The following CXADR variants were observed in gnomAD, a reference collection of about 807,000 sequenced individuals.
The protein encoded by CXADR is coxsackievirus and adenovirus receptor.
CXADR carries 20 observed loss-of-function variants against 40.3 expected under a neutral mutation model. That is an observed-to-expected ratio of 0.50 (90% CI 0.35 to 0.72). CXADR has a LOEUF of 0.72. Among genes scored for constraint, CXADR ranks in the 30% least tolerant of loss-of-function variants. The pLI, the probability that CXADR is intolerant of heterozygous loss-of-function variation, is 0.01. For missense variants in CXADR, 332 were observed against 449.1 expected (o/e 0.74, Z 2.36); for synonymous variants, 150 against 161.3 (o/e 0.93, Z 0.53).
At position 17,551,325 on chromosome 21, in the gene CXADR, G is replaced by A. The variant is rs529723511; in HGVS notation, c.211-424G>A. Among the ~76,000 whole-genome samples, 12 of 149,794 alleles carry A rather than the reference G, an allele frequency of 8.0e-5. No individual in the cohort carries two copies. In the East Asian group the frequency reaches 1.8e-3, roughly 22 times the overall value. Reference sequence around the variant, plus strand: ...AGAGGCGAGAGAATTGCTTGAACCCGGGAGGTGGAGGGAGCCGAGATCTCA... The same window carrying A: ...AGAGGCGAGAGAATTGCTTGAACCCAGGAGGTGGAGGGAGCCGAGATCTCA... On this transcript the variant is annotated intron_variant, in intron 2 of 6. Transcript: ENST00000284878.
chr21:17,592,193 ACT>A (rs2061443490), intron 7 of CXADR, among the ~76,000 whole-genome samples: 1 of 151,940 alleles, frequency 6.6e-6, no homozygotes, highest in African/African-American at 2.4e-5. Context: ...CCTTCTTTAC[ACT>A]ATTATGCTTC....
chr21:17,559,527 T>A (rs540351078), intron 4 of CXADR, among the ~76,000 whole-genome samples: 1 of 152,154 alleles, frequency 6.6e-6, no homozygotes, highest in African/African-American at 2.4e-5. Flanking sequence ...TTTCTTTCCC[T>A]TTTCTACATA....
At chr21:17,595,999 A>C (rs1026031663), downstream of CXADR, among the ~76,000 whole-genome samples, 1 of 151,982 alleles carries the variant, frequency 6.6e-6, no homozygotes, top group African/African-American at 2.4e-5. Flanking sequence ...ATATGGATTT[A>C]ATCTGCATTC....
the CXADR span, among the ~76,000 whole-genome samples, chr21:17,618,745 C>T: frequency 6.6e-6 from 1 of 152,248 alleles, no homozygotes; most frequent in African/African-American, 2.4e-5. Flanking sequence ...CCATGTTAGC[C>T]AGGCTGGTCT....
chr21:17,604,643 C>T, the CXADR span, among the ~76,000 whole-genome samples: 1 of 152,176 alleles, frequency 6.6e-6, no homozygotes, highest in Admixed American at 6.5e-5. Context: ...TACTAGAAAA[C>T]CCCCGCCTAA....
At chr21:17,578,254 G>A (rs1176162674) in intron 7 of CXADR, among the ~76,000 whole-genome samples, 2 of 152,170 alleles carry the variant, frequency 1.3e-5, no homozygotes, top group African/African-American at 4.8e-5. Context: ...GTGTACAAGA[G>A]TTCCAATTTC....
In CXADR at chr21:17,569,868, T is replaced by G. The variant is rs2061262339; in HGVS notation, c.*4176T>G. 1.0e-6 allele frequency: 1 copy of G among 984,592 alleles called. No individual in the cohort carries two copies. Among genetic ancestry groups the G allele is most frequent in the South Asian group, 4.7e-5 (1 of 21,274 alleles). 61.0% of individuals were successfully genotyped at this position (984,592 alleles called of 1,614,324 possible). Reference sequence around the variant, plus strand: ...TTGATTCACTTATTCTTTTCCCTAATTGTGAATTTTAGTGATAAATACACC... The same window carrying G: ...TTGATTCACTTATTCTTTTCCCTAAGTGTGAATTTTAGTGATAAATACACC... On this transcript the variant is annotated 3_prime_UTR_variant, in exon 7 of 7. Coordinates refer to ENST00000284878, the MANE Select transcript of CXADR (RefSeq NM_001338.5).
At chr21:17,603,831 A>G in the CXADR span, among the ~76,000 whole-genome samples, 4 of 152,194 alleles carry the variant, frequency 2.6e-5, no homozygotes. Flanking sequence ...TCCTCACCAG[A>G]TGCAGTAACT....
At chr21:17,604,141 TTA>T in the CXADR span, 1 of 1,284,750 alleles carries the variant, frequency 7.8e-7, no homozygotes, top group Non-Finnish European at 1.0e-6. Flanking sequence ...ACTCAGTCAC[TTA>T]CATAATCAAA....
At chr21:17,622,647 C>T in the CXADR span, among the ~76,000 whole-genome samples, 1 of 152,046 alleles carries the variant, frequency 6.6e-6, no homozygotes, top group Non-Finnish European at 1.5e-5. Flanking sequence ...TCATTAGCAA[C>T]AACCAAAACA....
At chr21:17,612,597 C>T in the CXADR span, 4 of 152,386 alleles carry the variant, frequency 2.6e-5, no homozygotes, top group Non-Finnish European at 5.9e-5. Flanking sequence ...GGTGCGCCGC[C>T]CGCCAGCGAG....
At chr21:17,535,641 A>T (rs1391343076) in intron 1 of CXADR, among the ~76,000 whole-genome samples, 2 of 152,188 alleles carry the variant, frequency 1.3e-5, no homozygotes, top group Non-Finnish European at 2.9e-5. Flanking sequence ...TCTTCATAAC[A>T]TTTGGTATTA....
At chr21:17,537,418 C>G (rs1194724180) in intron 1 of CXADR, among the ~76,000 whole-genome samples, 1 of 152,222 alleles carries the variant, frequency 6.6e-6, no homozygotes, top group Non-Finnish European at 1.5e-5. Flanking sequence ...CTGCTTACCT[C>G]CAGGCATCCA....
At chr21:17,534,007 A>AATATATATATATATAGCT (rs2060711345) in intron 1 of CXADR, among the ~76,000 whole-genome samples, 1 of 87,916 alleles carries the variant, frequency 1.1e-5, no homozygotes, top group African/African-American at 3.5e-5. Context: ...CTTTCTCAGC[A>AATATATATATATATAGCT]ATATATATAT....
the CXADR span, chr21:17,612,116 C>A: frequency 1.3e-5 from 2 of 152,340 alleles, no homozygotes; most frequent in African/African-American, 4.8e-5. Flanking sequence ...AACATCTCCA[C>A]CCGCTCTTGA....
chr21:17,603,222 C>A, the CXADR span, among the ~76,000 whole-genome samples: 25 of 152,166 alleles, frequency 1.6e-4, no homozygotes, highest in African/African-American at 5.6e-4. Context: ...GTCTTCTGCA[C>A]AGGTTCAGTG....
intron 1 of CXADR, among the ~76,000 whole-genome samples, chr21:17,516,507 A>C (rs1180197169): frequency 6.6e-6 from 1 of 152,218 alleles, no homozygotes; most frequent in African/African-American, 2.4e-5. Context: ...AGGGACCTGC[A>C]GCGTCAGCAT....
At chr21:17,547,660 A>G (rs146367205) in intron 2 of CXADR, among the ~76,000 whole-genome samples, 23 of 152,300 alleles carry the variant, frequency 1.5e-4, no homozygotes, top group African/African-American at 5.3e-4. Flanking sequence ...GTCATTAGCT[A>G]TGGTGTAACA....
the CXADR span, among the ~76,000 whole-genome samples, chr21:17,602,008 T>C: frequency 1.3e-5 from 2 of 152,192 alleles, no homozygotes; most frequent in South Asian, 4.1e-4. Context: ...GCAGTCGATA[T>C]CTTAGGAGAA....
Sources: gnomAD v4.1 joint callset for allele counts (sites outside exome capture counted in the v4.1 genomes callset) on GRCh38, gnomAD v4.1.1 for gene constraint, MANE v1.5 for transcripts, NCBI Gene and HGNC (gene_info 2026-07-23, HGNC 2026-07-21) for gene names.